Variants in PTGER3 observed in about 807,000 individuals in gnomAD.
PTGER3 encodes prostaglandin E receptor 3, also known as prostaglandin E2 receptor EP3 subtype.
PTGER3 carries 22 observed loss-of-function variants against 34.7 expected under a neutral mutation model. That is an observed-to-expected ratio of 0.63 (90% CI 0.45 to 0.91). The LOEUF (loss-of-function observed/expected upper bound fraction) is 0.91, where lower values mean the gene tolerates loss of function less well. PTGER3 is among the 40% of genes least tolerant of loss of function. The pLI is 0.00. For synonymous variants in PTGER3, 241 were observed against 230.1 expected, an observed-to-expected ratio of 1.05 and a Z score of -0.43; for missense variants, 468 against 519.4, an observed-to-expected ratio of 0.90 and a Z score of 0.96.
chr1:70,941,581 T>C (rs1009479047), intron 4 of PTGER3, among the ~76,000 whole-genome samples: 27 of 152,188 alleles, frequency 1.8e-4, no homozygotes, highest in African/African-American at 6.3e-4. Flanking sequence ...AGTATGTTTT[T>C]AACTGAGCCT....
At chr1:70,973,213 TA>T (rs1249389576) in intron 3 of PTGER3, among the ~76,000 whole-genome samples, 2 of 130,602 alleles carry the variant, frequency 1.5e-5, no homozygotes, top group East Asian at 2.3e-4. Flanking sequence ...GATAGATAGA[TA>T]GATAGATGAT....
chr1:70,956,768 C>A (rs1489393645), intron 2 of PTGER3, among the ~76,000 whole-genome samples: 3 of 152,076 alleles, frequency 2.0e-5, no homozygotes, highest in African/African-American at 7.2e-5. Context: ...CTTTGGGAAG[C>A]GGAAGTGGGC....
intron 1 of PTGER3, among the ~76,000 whole-genome samples, chr1:71,016,508 T>C (rs1657909730): frequency 6.6e-6 from 1 of 152,110 alleles, no homozygotes; most frequent in Admixed American, 6.6e-5. Context: ...AATTTTAAAA[T>C]TGTATGTACA....
chr1:70,895,121 A>G (rs1646697997), intron 4 of PTGER3, among the ~76,000 whole-genome samples: 1 of 152,234 alleles, frequency 6.6e-6, no homozygotes, highest in African/African-American at 2.4e-5. Context: ...CCCCAGCACC[A>G]GGAGCAAGAG....
At chr1:70,903,398 A>G (rs1646881021) in intron 4 of PTGER3, among the ~76,000 whole-genome samples, 1 of 152,206 alleles carries the variant, frequency 6.6e-6, no homozygotes, top group African/African-American at 2.4e-5. Context: ...GATAGTAATG[A>G]CTAACATAGA....
chr1:71,008,996 T>C lies in PTGER3; in HGVS notation c.1077+3309A>G, dbSNP rs555518174. The C allele has an allele frequency of 6.1e-6, 6 of 983,484 alleles. No homozygotes were observed. In the East Asian group the frequency reaches 5.7e-4, roughly 93 times the overall value. 60.9% of individuals were successfully genotyped at this position (983,484 alleles called of 1,614,324 possible). The stretch of plus-strand genomic sequence containing the variant: ...TGTCTAAAATTTCAAAGAACAAAAG[T>C]TTTCTATTTTCTTTTTCTGAGTTGA... On this transcript the variant is annotated intron_variant, in intron 2 of 3. Coordinates refer to ENST00000306666, the MANE Select transcript of PTGER3 (RefSeq NM_198719.2).
intron 4 of PTGER3, among the ~76,000 whole-genome samples, chr1:70,931,107 G>A (rs1648645270): frequency 6.6e-6 from 1 of 152,178 alleles, no homozygotes; most frequent in Admixed American, 6.5e-5. Context: ...CAAAAACAAA[G>A]GGGTTTCAGG....
chr1:70,990,063 T>C (rs906067301), intron 2 of PTGER3, among the ~76,000 whole-genome samples: 24 of 151,986 alleles, frequency 1.6e-4, no homozygotes, highest in African/African-American at 5.8e-4. Context: ...AAAATATATA[T>C]ACACATACAG....
intron 4 of PTGER3, among the ~76,000 whole-genome samples, chr1:70,933,808 G>A (rs1324595195): frequency 2.6e-5 from 4 of 152,064 alleles, no homozygotes; most frequent in African/African-American, 7.2e-5. Flanking sequence ...CTTTGGAAGG[G>A]GTAATGGAAG....
chr1:70,952,041 A>G (rs1397191854), downstream of PTGER3, among the ~76,000 whole-genome samples: 1 of 152,168 alleles, frequency 6.6e-6, no homozygotes, highest in Non-Finnish European at 1.5e-5. Flanking sequence ...AACCTGGGGC[A>G]GGAAAGATCC....
chr1:70,963,295 A>G (rs777138232), intron 2 of PTGER3, among the ~76,000 whole-genome samples: 20 of 152,084 alleles, frequency 1.3e-4, no homozygotes, highest in Non-Finnish European at 8.8e-5. Flanking sequence ...GGAGATCCAC[A>G]TTCTGGGGTC....
intron 2 of PTGER3, among the ~76,000 whole-genome samples, chr1:71,004,360 T>G (rs1175835914): frequency 6.6e-6 from 1 of 152,200 alleles, no homozygotes; most frequent in Non-Finnish European, 1.5e-5. Flanking sequence ...ACTTGAACTC[T>G]GTTATCAAAA....
chr1:70,873,396 G>A (rs1303486833), intron 4 of PTGER3, among the ~76,000 whole-genome samples: 1 of 152,026 alleles, frequency 6.6e-6, no homozygotes, highest in Non-Finnish European at 1.5e-5. Flanking sequence ...AGAAACCATG[G>A]TTTATTTTTA....
intron 4 of PTGER3, among the ~76,000 whole-genome samples, chr1:70,926,230 G>T (rs150922258): frequency 0.011 from 1,655 of 152,298 alleles, 30 homozygotes; most frequent in African/African-American, 0.037. Flanking sequence ...GTCATTGGTA[G>T]CTTGATGGGG....
chr1:70,886,586 C>T (rs1646503165), intron 4 of PTGER3, among the ~76,000 whole-genome samples: 1 of 152,172 alleles, frequency 6.6e-6, no homozygotes, highest in Non-Finnish European at 1.5e-5. Context: ...ATCAATCTGT[C>T]GAAAGCACAA....
intron 4 of PTGER3, among the ~76,000 whole-genome samples, chr1:70,887,998 C>T (rs941676409): frequency 1.3e-5 from 2 of 152,172 alleles, no homozygotes; most frequent in African/African-American, 2.4e-5. Flanking sequence ...AGCAATAACA[C>T]TGTTTCTGTC....
chr1:70,904,546 TG>T (rs1395165811), intron 4 of PTGER3, among the ~76,000 whole-genome samples: 2 of 152,210 alleles, frequency 1.3e-5, no homozygotes, highest in Admixed American at 6.5e-5. Flanking sequence ...AGGAACTTTT[TG>T]GGAACTGGAG....
intron 2 of PTGER3, among the ~76,000 whole-genome samples, chr1:70,980,568 T>A (rs1282336450): frequency 6.6e-6 from 1 of 151,878 alleles, no homozygotes; most frequent in Non-Finnish European, 1.5e-5. Flanking sequence ...ATTTGAGGGA[T>A]CCCAGGAATC....
At chr1:71,027,891 A>G (rs1002326254) in intron 1 of PTGER3, among the ~76,000 whole-genome samples, 1 of 152,216 alleles carries the variant, frequency 6.6e-6, no homozygotes, top group Non-Finnish European at 1.5e-5. Context: ...TTACATTTAA[A>G]GTATCTCAAT....
Sources: gnomAD v4.1 joint callset for allele counts (sites outside exome capture counted in the v4.1 genomes callset) on GRCh38, gnomAD v4.1.1 for gene constraint, MANE v1.5 for transcripts, NCBI Gene and HGNC (gene_info 2026-07-23, HGNC 2026-07-21) for gene names.